SCN9A: variants seen among roughly 807,000 people sequenced by gnomAD.
SCN9A encodes the protein sodium channel protein type 9 subunit alpha.
SCN9A carries 131 observed loss-of-function variants against 187.0 expected under a neutral mutation model. That is an observed-to-expected ratio of 0.70 (90% confidence interval 0.61 to 0.81). The LOEUF is 0.81. SCN9A is among the 30% of genes least tolerant of loss of function. SCN9A has a pLI of 0.00. For synonymous variants in SCN9A, 809 were observed against 808.6 expected (o/e 1.00, Z -0.01); for missense variants, 2,252 against 2,396.6 (o/e 0.94, Z 1.26).
chr2:166,373,013 A>G (rs16852043), intron 1 of SCN9A, among the ~76,000 whole-genome samples: 1,720 of 152,320 alleles, frequency 0.011, 11 homozygotes, highest in South Asian at 0.015. Context: ...ATCAAAAATG[A>G]TCTTTCCAAA....
intron 1 of SCN9A, among the ~76,000 whole-genome samples, chr2:166,337,920 TATC>T (rs1315230066): frequency 6.6e-6 from 1 of 152,144 alleles, no homozygotes; most frequent in African/African-American, 2.4e-5. Context: ...TTATTGTTAT[TATC>T]ATTATTAGGC....
At chr2:166,279,247 T>C (rs963265557) in intron 14 of SCN9A, among the ~76,000 whole-genome samples, 5 of 152,130 alleles carry the variant, frequency 3.3e-5, no homozygotes, top group Non-Finnish European at 7.4e-5. Context: ...GGGAAAAACA[T>C]TGGGAATATT....
At chr2:166,234,752 T>G (rs188059806) in intron 20 of SCN9A, among the ~76,000 whole-genome samples, 2 of 151,554 alleles carry the variant, frequency 1.3e-5, no homozygotes, top group African/African-American at 4.9e-5. Flanking sequence ...ATCAGAAAAT[T>G]TTTTTTTTAA....
intron 14 of SCN9A, 122 bp from the exon 15 acceptor site, chr2:166,278,435 A>T: frequency 1.3e-6 from 1 of 775,504 alleles, no homozygotes; most frequent in Non-Finnish European, 2.0e-6. Flanking sequence ...TACTTTATAA[A>T]TGGATATTCT....
chr2:166,338,743 C>A (rs1355838616), intron 1 of SCN9A, among the ~76,000 whole-genome samples: 3 of 151,994 alleles, frequency 2.0e-5, no homozygotes, highest in Non-Finnish European at 2.9e-5. Flanking sequence ...TCTTTTCTTT[C>A]GTGACCTGAC....
chr2:166,373,329 A>ATTTTTT lies in SCN9A; in HGVS notation c.-51+2367_-51+2368insAAAAAA, dbSNP rs745531940. ...TTCTTCCTCTTTTTTTTTTTTTTTA[A>ATTTTTT]ATGCAGTTGTGAGCCAATGTTTGTT... On this transcript the variant is annotated intron_variant, in intron 1 of 26. Transcript: ENST00000642356. Among the ~76,000 whole-genome samples, 426 of 145,310 alleles carry ATTTTTT rather than the reference A, an allele frequency of 2.9e-3. 2 individuals carry two copies. The highest frequency in any genetic ancestry group is 0.011 in the South Asian group (48 of 4,566).
At chr2:166,314,714 A>G (rs376897349) in intron 1 of SCN9A, among the ~76,000 whole-genome samples, 1 of 152,230 alleles carries the variant, frequency 6.6e-6, no homozygotes, top group Non-Finnish European at 1.5e-5. Context: ...GCCACATACG[A>G]TATGATTCCA....
At chr2:166,362,321 T>C (rs925727687) in intron 1 of SCN9A, among the ~76,000 whole-genome samples, 4 of 152,074 alleles carry the variant, frequency 2.6e-5, no homozygotes, top group African/African-American at 9.6e-5. Flanking sequence ...GCTGTGATTA[T>C]GGCAAGGTAT....
At chr2:166,300,701 T>C (rs1698514871) in intron 7 of SCN9A, among the ~76,000 whole-genome samples, 1 of 150,774 alleles carries the variant, frequency 6.6e-6, no homozygotes, top group Admixed American at 6.6e-5. Flanking sequence ...TTCTATGACA[T>C]AGGAAACAGA....
chr2:166,248,963 C>T (rs1695914982), intron 18 of SCN9A, among the ~76,000 whole-genome samples: 1 of 152,104 alleles, frequency 6.6e-6, no homozygotes, highest in African/African-American at 2.4e-5. Context: ...GCCACTTCAC[C>T]CAGCCTCTGA....
At chr2:166,238,412 A>T in intron 19 of SCN9A, 145 bp from the exon 20 acceptor site, 1 of 621,946 alleles carries the variant, frequency 1.6e-6, no homozygotes, top group Non-Finnish European at 2.8e-6. Flanking sequence ...TCTGGTTTAC[A>T]GTTATCATAT....
chr2:166,244,298 A>G (rs1389808871), intron 18 of SCN9A, among the ~76,000 whole-genome samples: 1 of 152,084 alleles, frequency 6.6e-6, no homozygotes, highest in Non-Finnish European at 1.5e-5. Context: ...TAGGGTGAGC[A>G]GAAAAAGGGC....
intron 11 of SCN9A, among the ~76,000 whole-genome samples, chr2:166,285,375 C>A (rs568480747): frequency 6.6e-6 from 1 of 152,146 alleles, no homozygotes; most frequent in African/African-American, 2.4e-5. Context: ...TCAATTCATG[C>A]TTATATGACT....
chr2:166,267,018 C>T (rs1250747860), intron 17 of SCN9A, among the ~76,000 whole-genome samples: 1 of 151,852 alleles, frequency 6.6e-6, no homozygotes, highest in Non-Finnish European at 1.5e-5. Context: ...ATTTGACTTC[C>T]TTCTTTCCAA....
chr2:166,271,614 G>T (rs1696988637), intron 17 of SCN9A, among the ~76,000 whole-genome samples: 1 of 151,994 alleles, frequency 6.6e-6, no homozygotes, highest in East Asian at 1.9e-4. Flanking sequence ...CTCAGCAACT[G>T]GGGAAAAAGT....
At chr2:166,228,411 C>T (rs1375490052) in intron 22 of SCN9A, among the ~76,000 whole-genome samples, 3 of 151,774 alleles carry the variant, frequency 2.0e-5, no homozygotes, top group Non-Finnish European at 2.9e-5. Context: ...CGCCTGCCAC[C>T]ACACCCAGCT....
chr2:166,285,934 T>C (rs1178512067), intron 11 of SCN9A, among the ~76,000 whole-genome samples: 1 of 152,172 alleles, frequency 6.6e-6, no homozygotes, highest in African/African-American at 2.4e-5. Context: ...AGTGATACTA[T>C]TACCTATACT....
At position 166,229,030 on chromosome 2, in the gene SCN9A, C is replaced by A; in HGVS notation, c.3925-58G>T. ...GATTAGTAAGATGTTAAATAGGCAACATGAAAGAAATGCCATGCAGACATA... is the reference window on the plus strand; with the variant it reads ...GATTAGTAAGATGTTAAATAGGCAAAATGAAAGAAATGCCATGCAGACATA... On this transcript the variant is annotated intron_variant, in intron 21 of 26. Coordinates refer to ENST00000642356, the MANE Select transcript of SCN9A (RefSeq NM_001365536.1). The A allele has an allele frequency of 2.9e-6, 4 of 1,364,268 alleles. No homozygotes were observed. The South Asian group carries it at 5.2e-5, about 18-fold the overall frequency. The allele number at this position is 1,364,268 out of a possible 1,614,324, so 84.5% of individuals were successfully genotyped here.
Position 166,227,701 on chromosome 2 carries a change from A to G in SCN9A, c.4229T>C (p.Ile1410Thr). The change falls in exon 23 of 27, where the codon ATT becomes ACT. Residue 1410 changes from isoleucine to threonine, a missense_variant. By Grantham distance (89) the Ile-to-Thr change is moderately conservative. Transcript: ENST00000642356. ...LQVATFKGWT[I>T]IMYAAVDSVN... ...AGAATCCACTGCTGCATACATAATA[A>G]TCGTCCATCCCTTAAAAGTTGCCTT... is the stretch of plus-strand genomic sequence containing the variant. 1 of 1,520,952 alleles carries G rather than the reference A, an allele frequency of 6.6e-7. No homozygotes were observed. Among genetic ancestry groups the G allele is most frequent in the Non-Finnish European group, 9.0e-7 (1 of 1,115,790 alleles). 94.2% of individuals were successfully genotyped at this position (1,520,952 alleles called of 1,614,324 possible). A position where few individuals can be genotyped will look rare whatever the true frequency, so the allele number is the denominator to read the frequency against.
Sources: allele counts gnomAD v4.1 joint callset (sites outside exome capture counted in the v4.1 genomes callset), GRCh38; gene constraint gnomAD v4.1.1; transcripts MANE v1.5; gene names NCBI Gene and HGNC (gene_info 2026-07-23, HGNC 2026-07-21).